The following PPARGC1A variants were observed in gnomAD, a reference collection of about 807,000 sequenced individuals.
The protein encoded by PPARGC1A is PPARG coactivator 1 alpha.
A neutral mutation model predicts 88.7 loss-of-function variants in PPARGC1A; 25 were observed. The observed-to-expected ratio is 0.28, with a 90% CI of 0.21 to 0.39. The LOEUF (loss-of-function observed/expected upper bound fraction) is 0.39, where lower values mean the gene tolerates loss of function less well. Ranked by LOEUF, PPARGC1A falls within the 10% of genes least tolerant of loss-of-function variation. The probability of loss-of-function intolerance (pLI) is 1.00; values close to 1 mark genes in which losing one functional copy is unlikely to be tolerated. For synonymous variants in PPARGC1A, 363 were observed against 355.6 expected (o/e 1.02, Z -0.24); for missense variants, 880 against 968.7 (o/e 0.91, Z 1.22).
the PPARGC1A span, among the ~76,000 whole-genome samples, chr4:23,962,146 G>T: frequency 6.6e-6 from 1 of 151,902 alleles, no homozygotes; most frequent in Non-Finnish European, 1.5e-5. Flanking sequence ...AACAACAAGG[G>T]AAAGTAGAAA....
At chr4:24,418,154 A>G in the PPARGC1A span, among the ~76,000 whole-genome samples, 6 of 152,316 alleles carry the variant, frequency 3.9e-5, no homozygotes, top group Middle Eastern at 3.4e-3. Flanking sequence ...TGCAGCCACC[A>G]TGGGAAGCTT....
At chr4:24,286,898 A>G in the PPARGC1A span, among the ~76,000 whole-genome samples, 3 of 152,140 alleles carry the variant, frequency 2.0e-5, no homozygotes, top group Admixed American at 1.3e-4. Flanking sequence ...TCTACTCCCA[A>G]GCTTCCTCAC....
At chr4:24,324,643 G>A in the PPARGC1A span, among the ~76,000 whole-genome samples, 10 of 152,194 alleles carry the variant, frequency 6.6e-5, no homozygotes, top group Admixed American at 2.6e-4. Context: ...CCAAATAGCC[G>A]GAAAATGGCA....
chr4:24,284,201 C>A, the PPARGC1A span, among the ~76,000 whole-genome samples: 1 of 151,550 alleles, frequency 6.6e-6, no homozygotes, highest in South Asian at 2.1e-4. Context: ...GCTATTTACT[C>A]AGGAGGCTGA....
At chr4:23,906,583 G>A (rs550757186), upstream of PPARGC1A, among the ~76,000 whole-genome samples, 2 of 130,034 alleles carry the variant, frequency 1.5e-5, no homozygotes, top group Admixed American at 1.7e-4. Context: ...TCCAGCCTGG[G>A]TATTGAAGTG....
the PPARGC1A span, among the ~76,000 whole-genome samples, chr4:24,152,846 T>C: frequency 1.3e-5 from 2 of 152,188 alleles, no homozygotes; most frequent in South Asian, 4.1e-4. Context: ...TAAATAAATG[T>C]CTATGTATAT....
the PPARGC1A span, among the ~76,000 whole-genome samples, chr4:24,293,990 G>C: frequency 6.6e-6 from 1 of 152,060 alleles, no homozygotes; most frequent in Non-Finnish European, 1.5e-5. Context: ...AAAACTTTTG[G>C]ATCAAGTTTG....
chr4:24,302,530 G>A, the PPARGC1A span, among the ~76,000 whole-genome samples: 3 of 152,340 alleles, frequency 2.0e-5, no homozygotes, highest in Admixed American at 2.0e-4. Flanking sequence ...GCAGAAGGCT[G>A]GTTTATTGAA....
chr4:23,795,767 GCGCTGTCCCATGAGGTATT>G lies in PPARGC1A; in HGVS notation c.*36_*54del. 1 of 1,361,962 alleles carries G rather than the reference GCGCTGTCCCATGAGGTATT, an allele frequency of 7.3e-7. No individual in the cohort carries two copies. The highest frequency in any genetic ancestry group is 1.0e-6 in the Non-Finnish European group (1 of 979,622). 84.4% of individuals were successfully genotyped at this position (1,361,962 alleles called of 1,614,324 possible). A position where few individuals can be genotyped will look rare whatever the true frequency, so the allele number is the denominator to read the frequency against. ...CTTGCAATAGTCTTTAGGGAAGGAC[GCGCTGTCCCATGAGGTATT>G]CGCCATCCCTCTGTCATCCTCAGCT... On this transcript the variant is annotated 3_prime_UTR_variant, in exon 13 of 13. Coordinates refer to ENST00000264867, the MANE Select transcript of PPARGC1A (RefSeq NM_013261.5).
the PPARGC1A span, among the ~76,000 whole-genome samples, chr4:24,050,993 C>CGGAT: frequency 2.0e-5 from 3 of 151,912 alleles, no homozygotes; most frequent in Non-Finnish European, 4.4e-5. Flanking sequence ...GGAGACCATC[C>CGGAT]TGGCTAACAT....
intron 1 of PPARGC1A, chr4:23,889,221 T>G (rs925135057): frequency 3.2e-5 from 32 of 985,406 alleles, no homozygotes; most frequent in Middle Eastern, 1.0e-3. Context: ...CAGCTCTCCG[T>G]GGTACAGGAA....
At chr4:24,413,208 C>T in the PPARGC1A span, among the ~76,000 whole-genome samples, 1 of 148,738 alleles carries the variant, frequency 6.7e-6, no homozygotes, top group Non-Finnish European at 1.5e-5. Context: ...TTTTCCCCTT[C>T]AAGGGAGCTA....
At chr4:24,144,304 T>C in the PPARGC1A span, among the ~76,000 whole-genome samples, 3,978 of 152,262 alleles carry the variant, frequency 0.026, 172 homozygotes, top group African/African-American at 0.09. Context: ...GGATTTACAA[T>C]GTAAACTTCA....
chr4:24,087,056 T>C, the PPARGC1A span, among the ~76,000 whole-genome samples: 1 of 152,192 alleles, frequency 6.6e-6, no homozygotes, highest in Non-Finnish European at 1.5e-5. Flanking sequence ...ATAGTAAAGA[T>C]ACCTCAACAG....
At chr4:24,070,092 G>A in the PPARGC1A span, among the ~76,000 whole-genome samples, 1 of 152,128 alleles carries the variant, frequency 6.6e-6, no homozygotes, top group Non-Finnish European at 1.5e-5. Flanking sequence ...TCATATAAGG[G>A]ATTACTGTGA....
chr4:24,392,862 A>T, the PPARGC1A span, among the ~76,000 whole-genome samples: 3 of 152,180 alleles, frequency 2.0e-5, no homozygotes. Context: ...CTGCTCGAGT[A>T]TAAAAACTGC....
chr4:24,142,024 T>C, the PPARGC1A span, among the ~76,000 whole-genome samples: 1 of 152,196 alleles, frequency 6.6e-6, no homozygotes, highest in Non-Finnish European at 1.5e-5. Context: ...CTCAAAGAAC[T>C]ATTTAGCTTT....
At chr4:24,125,705 TCATGTAA>T in the PPARGC1A span, among the ~76,000 whole-genome samples, 6 of 152,152 alleles carry the variant, frequency 3.9e-5, no homozygotes, top group South Asian at 1.0e-3. Context: ...GATTAGAGGT[TCATGTAA>T]GAGTTGAGAG....
At chr4:23,829,954 G>A (rs933166663) in intron 3 of PPARGC1A, among the ~76,000 whole-genome samples, 1 of 152,096 alleles carries the variant, frequency 6.6e-6, no homozygotes, top group African/African-American at 2.4e-5. Flanking sequence ...TGGACTTGGT[G>A]TTGTCTACAT....
Sources: gnomAD v4.1 joint callset for allele counts (sites outside exome capture counted in the v4.1 genomes callset) on GRCh38, gnomAD v4.1.1 for gene constraint, MANE v1.5 for transcripts, NCBI Gene and HGNC (gene_info 2026-07-23, HGNC 2026-07-21) for gene names.